The following IQSEC1 variants were observed in gnomAD, a reference collection of about 807,000 sequenced individuals.
IQSEC1 encodes IQ motif and SEC7 domain-containing protein 1.
A neutral mutation model predicts 91.0 loss-of-function variants in IQSEC1; 31 were observed. The ratio of observed to expected loss-of-function variants is 0.34; its 90% confidence interval spans 0.26 to 0.46. The LOEUF is 0.46. Among genes scored for constraint, IQSEC1 ranks in the 20% least tolerant of loss-of-function variants. The pLI is 1.00. For missense variants in IQSEC1, 1,388 were observed against 1,575.6 expected (o/e 0.88, Z 2.02); for synonymous variants, 699 against 662.6 (o/e 1.05, Z -0.84).
At position 13,170,161 on chromosome 3, in the gene IQSEC1, C is replaced by T. The variant is rs111535825; in HGVS notation, c.273-6028G>A. 8.0e-3 allele frequency among the ~76,000 whole-genome samples: 1,213 copies of T among 152,348 alleles called. 18 individuals are homozygous for T. The highest frequency in any genetic ancestry group is 0.026 in the African/African-American group (1,100 of 41,576). On this transcript the variant is annotated intron_variant, in intron 1 of 15. Transcript: ENST00000648114. Reference sequence around the variant, plus strand: ...TTGGTGCTCTGCCTCCCAGCCATTCCAGCCATGGCTGAAAGGAGCCAATGT... The same window carrying T: ...TTGGTGCTCTGCCTCCCAGCCATTCTAGCCATGGCTGAAAGGAGCCAATGT...
intron 12 of IQSEC1, among the ~76,000 whole-genome samples, chr3:12,904,618 G>A (rs1019326580): frequency 1.3e-5 from 2 of 152,180 alleles, no homozygotes; most frequent in African/African-American, 2.4e-5. Context: ...GGTGGCCACG[G>A]CCATCAGACA....
chr3:13,018,973 G>T (rs1192294482), intron 1 of IQSEC1, among the ~76,000 whole-genome samples: 1 of 152,194 alleles, frequency 6.6e-6, no homozygotes, highest in East Asian at 1.9e-4. Flanking sequence ...AGACTCAGAG[G>T]ACAAGGAGGG....
chr3:13,210,695 A>G (rs1430037641), intron 1 of IQSEC1, among the ~76,000 whole-genome samples: 1 of 152,022 alleles, frequency 6.6e-6, no homozygotes, highest in African/African-American at 2.4e-5. Flanking sequence ...GAGTTTTCCT[A>G]AGAAGGAGAG....
intron 6 of IQSEC1, among the ~76,000 whole-genome samples, chr3:12,917,831 A>T (rs886656478): frequency 8.5e-5 from 13 of 152,238 alleles, no homozygotes; most frequent in African/African-American, 2.2e-4. Context: ...AAAATAAATT[A>T]AAAAATTTAA....
chr3:12,901,097 C>A lies in IQSEC1; in HGVS notation c.3231G>T (p.Pro1077=), dbSNP rs991441143. ...GCCCCACGTGGGCCGAGGGCAGCGG[C>A]GGGTGGCCGTGGGCATGGGCCCCGT... ...PAYGAHAHGH[P]PLPSAHVGHT... The change falls in exon 14 of 14, where the codon CCG becomes CCT. Residue 1077 remains proline (P), a synonymous_variant. Coordinates refer to ENST00000613206, the MANE Select transcript of IQSEC1 (RefSeq NM_001134382.3). 1.3e-6 allele frequency: 2 copies of A among 1,531,768 alleles called. No homozygotes were observed. 94.9% of individuals were successfully genotyped at this position (1,531,768 alleles called of 1,614,324 possible).
At chr3:13,197,723 A>G (rs1694160515) in intron 1 of IQSEC1, among the ~76,000 whole-genome samples, 1 of 152,216 alleles carries the variant, frequency 6.6e-6, no homozygotes, top group South Asian at 2.1e-4. Flanking sequence ...GTGGGGCATC[A>G]ACATTGCAAG....
chr3:12,947,963 G>C (rs1251937553), intron 1 of IQSEC1, among the ~76,000 whole-genome samples: 3 of 152,250 alleles, frequency 2.0e-5, no homozygotes, highest in Non-Finnish European at 4.4e-5. Flanking sequence ...CAGGAATAGA[G>C]ATCACAACTT....
chr3:13,104,990 C>T (rs1706127920), intron 2 of IQSEC1, among the ~76,000 whole-genome samples: 2 of 152,214 alleles, frequency 1.3e-5, no homozygotes, highest in Admixed American at 6.5e-5. Context: ...TTTGCCAATG[C>T]TAGTAGTTGA....
intron 12 of IQSEC1, among the ~76,000 whole-genome samples, chr3:12,904,924 A>G (rs1015479202): frequency 6.6e-6 from 1 of 152,186 alleles, no homozygotes; most frequent in African/African-American, 2.4e-5. Flanking sequence ...GTGAACACTT[A>G]GGAGTTCCTT....
chr3:13,071,650 C>T (rs1033439980), intron 1 of IQSEC1, among the ~76,000 whole-genome samples: 2 of 152,224 alleles, frequency 1.3e-5, no homozygotes, highest in Non-Finnish European at 2.9e-5. Flanking sequence ...ATCGACAAAC[C>T]AACCTGTGAG....
chr3:13,184,930 C>G (rs1486695131), intron 1 of IQSEC1, among the ~76,000 whole-genome samples: 1 of 152,150 alleles, frequency 6.6e-6, no homozygotes, highest in Non-Finnish European at 1.5e-5. Flanking sequence ...GATGGACCTT[C>G]CTTGGTAAAG....
chr3:13,209,670 C>T (rs529606454), intron 1 of IQSEC1, among the ~76,000 whole-genome samples: 5 of 152,344 alleles, frequency 3.3e-5, no homozygotes, highest in Admixed American at 6.5e-5. Flanking sequence ...GCCTGCACTT[C>T]GGATTTTTAA....
intron 2 of IQSEC1, among the ~76,000 whole-genome samples, chr3:12,937,086 C>T (rs1360089000): frequency 1.3e-5 from 2 of 152,144 alleles, no homozygotes; most frequent in Non-Finnish European, 2.9e-5. Flanking sequence ...ACACCCACCA[C>T]CACGCCCAGC....
chr3:13,033,033 G>A (rs1703906354), intron 1 of IQSEC1, among the ~76,000 whole-genome samples: 1 of 152,234 alleles, frequency 6.6e-6, no homozygotes, highest in South Asian at 2.1e-4. Context: ...CTCACGTGGT[G>A]TTGCAAGACA....
intron 1 of IQSEC1, among the ~76,000 whole-genome samples, chr3:12,956,127 C>T (rs935479145): frequency 6.6e-6 from 1 of 152,200 alleles, no homozygotes; most frequent in Admixed American, 6.5e-5. Context: ...ATCCATCAGA[C>T]AGCACATGTT....
rs755231775 is a variant in IQSEC1, at chr3:13,193,583, G to A, written c.273-29450C>T. 6.6e-6 allele frequency among the ~76,000 whole-genome samples: 1 copy of A among 152,188 alleles called. No individual in the cohort carries two copies. The highest frequency in any genetic ancestry group is 1.5e-5 in the Non-Finnish European group (1 of 68,034). ...GAAGAAAGGGAGGGGAACAGAAGGT[G>A]CAGTTTAGGGGGTGAGGAGAGAAGT... On this transcript the variant is annotated intron_variant, in intron 1 of 15. Coordinates refer to the IQSEC1 transcript ENST00000648114. The surrounding 1 kb of genome is among the most constrained non-coding windows in gnomAD (Gnocchi z 4.2).
intron 2 of IQSEC1, among the ~76,000 whole-genome samples, chr3:13,099,028 G>A (rs1706012785): frequency 1.3e-5 from 2 of 152,232 alleles, no homozygotes; most frequent in Non-Finnish European, 2.9e-5. Context: ...ATTGGGATAA[G>A]AGGACTTTCG....
intron 1 of IQSEC1, among the ~76,000 whole-genome samples, chr3:13,264,665 A>C (rs905676335): frequency 1.3e-5 from 2 of 152,108 alleles, no homozygotes; most frequent in East Asian, 3.9e-4. Flanking sequence ...AGGCTCGCGA[A>C]GCAAGTGAAT....
At chr3:13,028,561 C>A (rs969028459) in intron 1 of IQSEC1, among the ~76,000 whole-genome samples, 4 of 152,322 alleles carry the variant, frequency 2.6e-5, no homozygotes, top group African/African-American at 7.2e-5. Context: ...GACCCTAGAA[C>A]TGGGTGCCTC....
Sources: gnomAD v4.1 joint callset for allele counts (sites outside exome capture counted in the v4.1 genomes callset) on GRCh38, gnomAD v4.1.1 for gene constraint, Gnocchi (gnomAD v3.1) non-coding constraint, MANE v1.5 for transcripts, NCBI Gene and HGNC (gene_info 2026-07-23, HGNC 2026-07-21) for gene names.